The following TAFA2 variants were observed in gnomAD, a reference collection of about 807,000 sequenced individuals.
The protein encoded by TAFA2 is TAFA chemokine like family member 2, also known as chemokine-like protein TAFA-2.
In TAFA2, 7 loss-of-function variants were observed where a neutral mutation model predicts 18.8. The ratio of observed to expected loss-of-function variants is 0.37; its 90% CI spans 0.21 to 0.70. The LOEUF (loss-of-function observed/expected upper bound fraction) is 0.70. Among genes scored for constraint, TAFA2 ranks in the 30% least tolerant of loss-of-function variants. TAFA2 has a pLI of 0.53. For synonymous variants in TAFA2, 60 were observed against 54.2 expected (o/e 1.11, Z -0.47); for missense variants, 122 against 158.1 (o/e 0.77, Z 1.23).
At chr12:62,126,191 A>T (rs765631806) in intron 1 of TAFA2, among the ~76,000 whole-genome samples, 2 of 152,122 alleles carry the variant, frequency 1.3e-5, no homozygotes, top group Admixed American at 6.6e-5. Flanking sequence ...CTACTCGCTG[A>T]CAAGCATTAT....
chr12:61,914,156 A>G (rs950863343), intron 1 of TAFA2, among the ~76,000 whole-genome samples: 2 of 152,196 alleles, frequency 1.3e-5, no homozygotes, highest in African/African-American at 2.4e-5. Flanking sequence ...GTGATGCCCT[A>G]AGGATGAAGA....
chr12:61,809,696 T>A lies in TAFA2; in HGVS notation c.107-54672A>T, dbSNP rs1310841068. 2.0e-5 allele frequency among the ~76,000 whole-genome samples: 3 copies of A among 151,376 alleles called. No homozygotes were observed. In the East Asian group the frequency reaches 5.8e-4, roughly 29 times the overall value. On this transcript the variant is annotated intron_variant, in intron 2 of 4. Transcript: ENST00000416284. ...TTTTCTTCCAGACTTTATGTCTTAG[T>A]TTTTTTACTATAAGGGAAAACCAAT... is the stretch of plus-strand genomic sequence containing the variant.
intron 1 of TAFA2, among the ~76,000 whole-genome samples, chr12:61,869,898 A>T (rs1046406869): frequency 6.6e-6 from 1 of 152,166 alleles, no homozygotes; most frequent in Non-Finnish European, 1.5e-5. Flanking sequence ...CAGAATGAAC[A>T]GCAAAACTCA....
chr12:61,869,199 AG>A (rs1374858000), intron 1 of TAFA2, among the ~76,000 whole-genome samples: 1 of 152,124 alleles, frequency 6.6e-6, no homozygotes, highest in African/African-American at 2.4e-5. Context: ...TAGGTATTTG[AG>A]CTTTTAGATC....
intron 1 of TAFA2, among the ~76,000 whole-genome samples, chr12:62,202,058 T>C (rs2062673097): frequency 6.6e-6 from 1 of 152,144 alleles, no homozygotes; most frequent in South Asian, 2.1e-4. Flanking sequence ...TGACGGCTGT[T>C]TGTATTTCTG....
At chr12:61,936,795 T>C (rs968122434) in intron 1 of TAFA2, among the ~76,000 whole-genome samples, 31 of 152,208 alleles carry the variant, frequency 2.0e-4, no homozygotes, top group African/African-American at 5.8e-4. Flanking sequence ...CTATTCAACA[T>C]AGTACTAGAA....
intron 1 of TAFA2, among the ~76,000 whole-genome samples, chr12:62,006,051 GTATT>G (rs1429829119): frequency 6.6e-6 from 1 of 151,926 alleles, no homozygotes; most frequent in Admixed American, 6.6e-5. Flanking sequence ...CAGCTTTATT[GTATT>G]TCTTTCTTCT....
At chr12:61,913,963 G>A (rs1876713738) in intron 1 of TAFA2, among the ~76,000 whole-genome samples, 1 of 152,124 alleles carries the variant, frequency 6.6e-6, no homozygotes, top group Non-Finnish European at 1.5e-5. Context: ...ATGAATTTTT[G>A]GAAACGGTTT....
At chr12:62,215,663 TTCTTGCTTAAGAGGAAGAACTTGTTTC>T (rs1565781195) in intron 1 of TAFA2, among the ~76,000 whole-genome samples, 1 of 67,842 alleles carries the variant, frequency 1.5e-5, no homozygotes, top group Non-Finnish European at 3.6e-5. Flanking sequence ...GAACTTGTTT[TTCTTGCTTAAGAGGAAGAACTTGTTTC>T]TCTTGCTTAA....
At chr12:61,746,854 C>A (rs1271241321) in intron 4 of TAFA2, among the ~76,000 whole-genome samples, 1 of 152,028 alleles carries the variant, frequency 6.6e-6, no homozygotes, top group Non-Finnish European at 1.5e-5. Context: ...TATTCTTTCT[C>A]ACAAAATCTG....
intron 4 of TAFA2, among the ~76,000 whole-genome samples, chr12:61,732,429 C>T (rs1014253527): frequency 5.3e-5 from 8 of 152,044 alleles, no homozygotes; most frequent in Non-Finnish European, 8.8e-5. Context: ...TAGGCAAAAG[C>T]AGACATGGTC....
intron 4 of TAFA2, among the ~76,000 whole-genome samples, chr12:61,715,472 C>T (rs1565747145): frequency 6.6e-6 from 1 of 151,960 alleles, no homozygotes; most frequent in Non-Finnish European, 1.5e-5. Flanking sequence ...CCTCAGCCTC[C>T]CGAGTAGCTG....
chr12:61,733,454 A>G (rs1287648718), intron 4 of TAFA2, among the ~76,000 whole-genome samples: 5 of 151,670 alleles, frequency 3.3e-5, no homozygotes, highest in African/African-American at 9.7e-5. Context: ...TTTGTATAAG[A>G]TGTAAGGAAG....
intron 1 of TAFA2, among the ~76,000 whole-genome samples, chr12:61,960,751 T>G (rs1878854667): frequency 1.4e-5 from 2 of 145,510 alleles, no homozygotes; most frequent in Non-Finnish European, 3.0e-5. Context: ...TTTTTTAAAG[T>G]TTAGCCACTT....
intron 1 of TAFA2, among the ~76,000 whole-genome samples, chr12:62,088,528 T>A (rs1868555850): frequency 6.7e-6 from 1 of 148,482 alleles, no homozygotes; most frequent in Non-Finnish European, 1.5e-5. Context: ...TTATCCTGGA[T>A]CCTGGACCAG....
chr12:62,034,833 C>A (rs1228113534), intron 1 of TAFA2, among the ~76,000 whole-genome samples: 2 of 152,088 alleles, frequency 1.3e-5, no homozygotes, highest in Non-Finnish European at 2.9e-5. Context: ...TTTTAGTCAT[C>A]TTTCTTAATA....
chr12:61,883,440 C>T (rs1875236662), intron 1 of TAFA2, among the ~76,000 whole-genome samples: 1 of 152,102 alleles, frequency 6.6e-6, no homozygotes, highest in South Asian at 2.1e-4. Flanking sequence ...TTTGTGGAAA[C>T]ATGGTATATT....
In TAFA2 at chr12:62,134,512, C is replaced by T. The variant is rs983472679; in HGVS notation, c.-2+56747G>A. Among the ~76,000 whole-genome samples the T allele has an allele frequency of 2.6e-5, 4 of 152,132 alleles. No individual in the cohort carries two copies. The South Asian group carries it at 8.3e-4, about 32-fold the overall frequency. On this transcript the variant is annotated intron_variant, in intron 1 of 4. Transcript: ENST00000416284. ...GCACTTTGAACTTGGACCTTCCAGCCTCCAGAGCTGCAAGAAAAAATGGTT... is the reference window on the plus strand; with the variant it reads ...GCACTTTGAACTTGGACCTTCCAGCTTCCAGAGCTGCAAGAAAAAATGGTT...
intron 1 of TAFA2, among the ~76,000 whole-genome samples, chr12:62,245,881 T>G (rs2062883253): frequency 1.3e-5 from 2 of 150,700 alleles, no homozygotes; most frequent in Admixed American, 1.3e-4. Context: ...TTTCAACACC[T>G]TAAGATAAAA....
Sources: allele counts gnomAD v4.1 joint callset (sites outside exome capture counted in the v4.1 genomes callset), GRCh38; gene constraint gnomAD v4.1.1; transcripts MANE v1.5; gene names NCBI Gene and HGNC (gene_info 2026-07-23, HGNC 2026-07-21).